NELL1: variants seen among roughly 807,000 people sequenced by gnomAD.
NELL1 encodes the protein neural EGFL like 1.
A neutral mutation model predicts 107.4 loss-of-function variants in NELL1; 76 were observed. The observed-to-expected ratio is 0.71, with a 90% CI of 0.59 to 0.86. The LOEUF (loss-of-function observed/expected upper bound fraction) is 0.86. Among genes scored for constraint, NELL1 ranks in the 40% least tolerant of loss-of-function variants. NELL1 has a pLI of 0.00. For missense variants in NELL1, 1,024 were observed against 1,005.5 expected, an observed-to-expected ratio of 1.02 and a Z score of -0.25; for synonymous variants, 353 against 341.2, an observed-to-expected ratio of 1.03 and a Z score of -0.38.
intron 12 of NELL1, among the ~76,000 whole-genome samples, chr11:21,060,938 T>A (rs1853725770): frequency 6.6e-6 from 1 of 152,188 alleles, no homozygotes; most frequent in African/African-American, 2.4e-5. Flanking sequence ...GGTTTCACCC[T>A]ATTGGTCAGG....
rs897525152 is a variant in NELL1, at chr11:20,675,437, G to C, written c.56-2495G>C. Among the ~76,000 whole-genome samples the C allele has an allele frequency of 3.9e-5, 6 of 152,172 alleles. No homozygotes were observed. The East Asian group carries it at 1.2e-3, about 29-fold the overall frequency. On this transcript the variant is annotated intron_variant, in intron 1 of 19. Transcript: ENST00000357134. ...TTGCTCAGAGTTCATTGCACCCAAA[G>C]TATTGATCATGCATCAACTCATTAG... is the stretch of plus-strand genomic sequence containing the variant.
At chr11:21,367,576 C>G (rs993397462) in intron 14 of NELL1, among the ~76,000 whole-genome samples, 1 of 152,142 alleles carries the variant, frequency 6.6e-6, no homozygotes, top group East Asian at 1.9e-4. Flanking sequence ...ATAACTGTAC[C>G]GTTATCTGGA....
intron 13 of NELL1, among the ~76,000 whole-genome samples, chr11:21,163,596 G>A (rs999212207): frequency 6.6e-6 from 1 of 152,126 alleles, no homozygotes; most frequent in African/African-American, 2.4e-5. Flanking sequence ...ATCTTGGGCT[G>A]TCATAATAAA....
At chr11:21,081,110 T>C (rs1227546180) in intron 12 of NELL1, among the ~76,000 whole-genome samples, 1 of 152,128 alleles carries the variant, frequency 6.6e-6, no homozygotes, top group African/African-American at 2.4e-5. Flanking sequence ...TCCAATTCCA[T>C]TTCCAGCCTT....
At chr11:21,468,373 T>C (rs1183490262) in intron 15 of NELL1, among the ~76,000 whole-genome samples, 1 of 152,140 alleles carries the variant, frequency 6.6e-6, no homozygotes, top group Non-Finnish European at 1.5e-5. Context: ...ATATCAGTTT[T>C]GTTTCTTGTG....
intron 14 of NELL1, among the ~76,000 whole-genome samples, chr11:21,247,885 C>G (rs918414948): frequency 1.3e-5 from 2 of 152,142 alleles, no homozygotes; most frequent in African/African-American, 4.8e-5. Context: ...TTTTTCAGCT[C>G]CATTATAATT....
At chr11:20,797,153 G>A (rs1857185502) in intron 3 of NELL1, among the ~76,000 whole-genome samples, 1 of 152,172 alleles carries the variant, frequency 6.6e-6, no homozygotes, top group Admixed American at 6.5e-5. Context: ...GGCATTGGGA[G>A]CCATGGAAAG....
chr11:20,832,358 G>A (rs375815671), intron 3 of NELL1, among the ~76,000 whole-genome samples: 13 of 152,216 alleles, frequency 8.5e-5, no homozygotes, highest in Admixed American at 1.3e-4. Context: ...CTGTTCTCTC[G>A]CGGTACTTAT....
chr11:21,499,752 C>T (rs77537782), intron 15 of NELL1, among the ~76,000 whole-genome samples: 2,304 of 152,188 alleles, frequency 0.015, 58 homozygotes, highest in African/African-American at 0.052. Flanking sequence ...AGCAAGTGTG[C>T]ACAAGGTCAT....
intron 14 of NELL1, among the ~76,000 whole-genome samples, chr11:21,256,679 G>C (rs546666842): frequency 6.6e-6 from 1 of 152,174 alleles, no homozygotes; most frequent in African/African-American, 2.4e-5. Context: ...TACTCACATA[G>C]TGTCTGTCTT....
chr11:20,951,922 C>T (rs1425822885), intron 11 of NELL1, among the ~76,000 whole-genome samples: 2 of 152,036 alleles, frequency 1.3e-5, no homozygotes, highest in Non-Finnish European at 2.9e-5. Flanking sequence ...AAGTGTGAGG[C>T]CATTAGGTGG....
intron 16 of NELL1, among the ~76,000 whole-genome samples, chr11:21,547,379 C>T (rs1856469087): frequency 6.6e-6 from 1 of 151,172 alleles, no homozygotes; most frequent in African/African-American, 2.4e-5. Flanking sequence ...CATCCACAAA[C>T]CCTATATGGG....
intron 13 of NELL1, chr11:21,170,242 C>A: frequency 2.4e-6 from 1 of 418,658 alleles, no homozygotes; most frequent in Non-Finnish European, 4.3e-6. Context: ...CCTCTTGGTT[C>A]ATAACTACAA....
chr11:21,170,062 C>A, intron 13 of NELL1: 2 of 1,097,366 alleles, frequency 1.8e-6, no homozygotes, highest in Non-Finnish European at 2.8e-6. Context: ...AGCCTGAACC[C>A]AGCCTCTTGG....
chr11:21,128,484 T>C (rs1855539714), intron 13 of NELL1, among the ~76,000 whole-genome samples: 2 of 152,318 alleles, frequency 1.3e-5, no homozygotes, highest in African/African-American at 4.8e-5. Flanking sequence ...TATCTTCAGA[T>C]TAAAGCCATT....
intron 3 of NELL1, among the ~76,000 whole-genome samples, chr11:20,828,311 T>G (rs571372224): frequency 7.0e-6 from 1 of 141,848 alleles, no homozygotes; most frequent in African/African-American, 2.5e-5. Flanking sequence ...AAATGAGATA[T>G]TCTGAATATC....
intron 1 of NELL1, among the ~76,000 whole-genome samples, chr11:20,673,613 T>C (rs1014368376): frequency 1.3e-5 from 2 of 152,214 alleles, no homozygotes; most frequent in African/African-American, 4.8e-5. Flanking sequence ...GTATCTTTGT[T>C]AGGGTGGAGT....
intron 13 of NELL1, among the ~76,000 whole-genome samples, chr11:21,185,997 G>A (rs16907631): frequency 6.6e-6 from 1 of 151,506 alleles, no homozygotes; most frequent in Non-Finnish European, 1.5e-5. Flanking sequence ...AGGCTCCTAA[G>A]GGCCAGGATG....
chr11:21,444,854 CT>C (rs1319183504), intron 15 of NELL1, among the ~76,000 whole-genome samples: 1 of 152,092 alleles, frequency 6.6e-6, no homozygotes, highest in Non-Finnish European at 1.5e-5. Flanking sequence ...TTTTCCCTCC[CT>C]TCCTGTCTTC....
Sources: allele counts gnomAD v4.1 joint callset (sites outside exome capture counted in the v4.1 genomes callset), GRCh38; gene constraint gnomAD v4.1.1; transcripts MANE v1.5; gene names NCBI Gene and HGNC (gene_info 2026-07-23, HGNC 2026-07-21).